Variants in ATRNL1 observed in about 807,000 individuals in gnomAD.
ATRNL1 encodes the protein attractin-like protein 1.
A neutral mutation model predicts 182.7 loss-of-function variants in ATRNL1; 95 were observed. The observed-to-expected ratio is 0.52, with a 90% CI of 0.44 to 0.62. The LOEUF (loss-of-function observed/expected upper bound fraction) is 0.62. Ranked by LOEUF, ATRNL1 falls within the 20% of genes least tolerant of loss-of-function variation. The pLI is 0.00. For synonymous variants in ATRNL1, 576 were observed against 568.3 expected, an observed-to-expected ratio of 1.01 and a Z score of -0.19; for missense variants, 1,471 against 1,679.5, an observed-to-expected ratio of 0.88 and a Z score of 2.17.
At chr10:115,701,838 G>T (rs1460843403) in intron 26 of ATRNL1, among the ~76,000 whole-genome samples, 1 of 151,942 alleles carries the variant, frequency 6.6e-6, no homozygotes, top group African/African-American at 2.4e-5. Flanking sequence ...CCCTGGGCCA[G>T]ATTGATTCAC....
intron 26 of ATRNL1, among the ~76,000 whole-genome samples, chr10:115,639,134 G>GA (rs1384129920): frequency 1.3e-5 from 2 of 152,104 alleles, no homozygotes; most frequent in Non-Finnish European, 2.9e-5. Flanking sequence ...AATCAGAGAA[G>GA]AAAATCTTAA....
chr10:115,535,956 C>G (rs1038128658), intron 25 of ATRNL1, among the ~76,000 whole-genome samples: 2 of 151,426 alleles, frequency 1.3e-5, no homozygotes, highest in Non-Finnish European at 2.9e-5. Flanking sequence ...GCTGTCTGAT[C>G]GTTCCTCTGG....
chr10:115,727,444 C>A, intron 27 of ATRNL1, 89 bp downstream of exon 27: 2 of 976,762 alleles, frequency 2.0e-6, no homozygotes, highest in Non-Finnish European at 3.2e-6. Flanking sequence ...TGAAGCCAAA[C>A]AGAGTCTGAT....
chr10:115,657,723 C>A (rs1280879514), intron 26 of ATRNL1, among the ~76,000 whole-genome samples: 1 of 152,102 alleles, frequency 6.6e-6, no homozygotes, highest in East Asian at 1.9e-4. Context: ...CTGACACACA[C>A]CCAAGAAATT....
At chr10:115,108,681 T>C (rs1412294886) in intron 1 of ATRNL1, among the ~76,000 whole-genome samples, 4 of 152,180 alleles carry the variant, frequency 2.6e-5, no homozygotes, top group Non-Finnish European at 5.9e-5. Flanking sequence ...AGCCACCATT[T>C]TGAAAATGTC....
chr10:115,354,024 A>G (rs139888912), intron 19 of ATRNL1, among the ~76,000 whole-genome samples: 1 of 152,194 alleles, frequency 6.6e-6, no homozygotes, highest in African/African-American at 2.4e-5. Flanking sequence ...ACACACCACA[A>G]TTGTTGCACT....
chr10:115,520,941 T>A (rs1850895728), intron 25 of ATRNL1, among the ~76,000 whole-genome samples: 1 of 152,212 alleles, frequency 6.6e-6, no homozygotes. Flanking sequence ...CACTAATATG[T>A]GTAAAAAGTG....
At chr10:115,378,455 T>G (rs1857799708) in intron 19 of ATRNL1, among the ~76,000 whole-genome samples, 1 of 152,188 alleles carries the variant, frequency 6.6e-6, no homozygotes, top group Non-Finnish European at 1.5e-5. Flanking sequence ...AGTGGTGCCC[T>G]GACTAGGCAG....
intron 10 of ATRNL1, among the ~76,000 whole-genome samples, chr10:115,254,887 T>C (rs1243846202): frequency 6.6e-6 from 1 of 152,210 alleles, no homozygotes; most frequent in Non-Finnish European, 1.5e-5. Context: ...ATTTATTAAA[T>C]AGGGAATCCT....
chr10:115,132,351 T>C lies in ATRNL1; in HGVS notation c.829+2816T>C, dbSNP rs573410260. 1.4e-4 allele frequency among the ~76,000 whole-genome samples: 21 copies of C among 152,306 alleles called. No individual in the cohort carries two copies. The East Asian group carries it at 2.9e-3, about 21-fold the overall frequency. ...ATCATTGATGGACATTTGGGTTGGT[T>C]CCAAGTCTTTGCTATTGTGAATAGT... On this transcript the variant is annotated intron_variant, in intron 5 of 28. Coordinates refer to ENST00000355044, the MANE Select transcript of ATRNL1 (RefSeq NM_207303.4).
chr10:115,580,303 T>C (rs1453279799), intron 26 of ATRNL1, among the ~76,000 whole-genome samples: 1 of 152,112 alleles, frequency 6.6e-6, no homozygotes, highest in Non-Finnish European at 1.5e-5. Context: ...GGTGATAAAC[T>C]TCCTCAGCTT....
intron 26 of ATRNL1, among the ~76,000 whole-genome samples, chr10:115,573,017 C>A (rs1442666957): frequency 6.6e-6 from 1 of 152,152 alleles, no homozygotes; most frequent in Admixed American, 6.5e-5. Context: ...TCAGCTTTGC[C>A]TTCCGCAGAA....
chr10:115,125,590 T>G (rs1350049141), intron 3 of ATRNL1, among the ~76,000 whole-genome samples: 1 of 152,124 alleles, frequency 6.6e-6, no homozygotes, highest in African/African-American at 2.4e-5. Flanking sequence ...CCTAGAAAGA[T>G]TATATTCTTG....
chr10:115,523,875 TTCTG>T (rs1471450179), intron 25 of ATRNL1, among the ~76,000 whole-genome samples: 9 of 152,312 alleles, frequency 5.9e-5, no homozygotes, highest in Non-Finnish European at 1.2e-4. Context: ...GGCACCAATT[TTCTG>T]TCTTAGTCCA....
intron 26 of ATRNL1, among the ~76,000 whole-genome samples, chr10:115,630,102 A>T (rs1858382752): frequency 6.6e-6 from 1 of 152,112 alleles, no homozygotes; most frequent in Admixed American, 6.6e-5. Context: ...CTTTACCAAG[A>T]CCAGTGTCGA....
intron 13 of ATRNL1, among the ~76,000 whole-genome samples, chr10:115,279,201 C>CAAA (rs1156356544): frequency 9.1e-6 from 1 of 109,426 alleles, no homozygotes. Context: ...GACTCTGTCT[C>CAAA]AAAAAAAAAA....
intron 19 of ATRNL1, among the ~76,000 whole-genome samples, chr10:115,366,225 A>G (rs1356812398): frequency 6.6e-6 from 1 of 152,156 alleles, no homozygotes; most frequent in African/African-American, 2.4e-5. Flanking sequence ...ATATATATTT[A>G]GGATAGTTAG....
Position 115,203,644 on chromosome 10 carries a change from C to T in ATRNL1, c.1349-12053C>T, listed in dbSNP as rs1848684372. On this transcript the variant is annotated intron_variant, in intron 8 of 28. Coordinates refer to ENST00000355044, the MANE Select transcript of ATRNL1 (RefSeq NM_207303.4). ...ACCCAGGCTAGAGTGTAGTGGCACGCTCTTGGCTCACTGCAACCTATGCCT... is the reference window on the plus strand; with the variant it reads ...ACCCAGGCTAGAGTGTAGTGGCACGTTCTTGGCTCACTGCAACCTATGCCT... 2.0e-5 allele frequency among the ~76,000 whole-genome samples: 3 copies of T among 147,276 alleles called. No homozygotes were observed. In the South Asian group the frequency reaches 6.5e-4, roughly 32 times the overall value.
At chr10:115,220,442 C>T (rs909068378) in intron 9 of ATRNL1, 1 of 152,036 alleles carries the variant, frequency 6.6e-6, no homozygotes, top group Non-Finnish European at 1.5e-5. Flanking sequence ...CTGGTTGCAA[C>T]GTATTGTACA....
Sources: allele counts gnomAD v4.1 joint callset (sites outside exome capture counted in the v4.1 genomes callset), GRCh38; gene constraint gnomAD v4.1.1; transcripts MANE v1.5; gene names NCBI Gene and HGNC (gene_info 2026-07-23, HGNC 2026-07-21).